The following MAPK10 variants were observed in gnomAD, a reference collection of about 807,000 sequenced individuals.
MAPK10 encodes JNK3 alpha protein kinase.
In MAPK10, 25 loss-of-function variants were observed where a neutral mutation model predicts 59.3. The observed-to-expected ratio is 0.42, with a 90% confidence interval of 0.31 to 0.59. MAPK10 has a LOEUF of 0.59. Among genes scored for constraint, MAPK10 ranks in the 20% least tolerant of loss-of-function variants. The pLI, the probability that MAPK10 is intolerant of heterozygous loss-of-function variation, is 0.15. For missense variants in MAPK10, 351 were observed against 568.9 expected, an observed-to-expected ratio of 0.62 and a Z score of 3.90; for synonymous variants, 190 against 200.5, an observed-to-expected ratio of 0.95 and a Z score of 0.44.
chr4:86,070,275 T>C (rs1029964492), intron 9 of MAPK10, among the ~76,000 whole-genome samples: 1 of 152,182 alleles, frequency 6.6e-6, no homozygotes, highest in African/African-American at 2.4e-5. Context: ...GGTAAGTACT[T>C]GTTTTCTAGA....
chr4:86,249,550 A>G (rs2093309302), intron 2 of MAPK10, among the ~76,000 whole-genome samples: 1 of 152,162 alleles, frequency 6.6e-6, no homozygotes, highest in East Asian at 1.9e-4. Context: ...ACTTTAAAAA[A>G]TCTTTCCAGC....
intron 2 of MAPK10, among the ~76,000 whole-genome samples, chr4:86,231,755 T>G (rs2091581405): frequency 1.3e-5 from 2 of 152,200 alleles, no homozygotes; most frequent in Non-Finnish European, 1.5e-5. Context: ...ATCTTGATCT[T>G]TAATGTTGCA....
At chr4:86,041,728 A>C (rs1449516158) in intron 11 of MAPK10, among the ~76,000 whole-genome samples, 1 of 152,244 alleles carries the variant, frequency 6.6e-6, no homozygotes, top group African/African-American at 2.4e-5. Context: ...AAAGCTCATC[A>C]TCACTGGTCA....
chr4:86,140,260 A>G (rs1183892333), intron 4 of MAPK10, among the ~76,000 whole-genome samples: 1 of 136,022 alleles, frequency 7.4e-6, no homozygotes, highest in African/African-American at 3.1e-5. Context: ...ACTATTCACA[A>G]TAGCAAAGAC....
chr4:86,472,814 C>A (rs1354649145), intron 1 of MAPK10, among the ~76,000 whole-genome samples: 1 of 152,186 alleles, frequency 6.6e-6, no homozygotes, highest in East Asian at 1.9e-4. Context: ...ATTCTCTCCA[C>A]AGGGTGTATA....
chr4:86,060,834 A>G (rs1418814520), intron 11 of MAPK10, among the ~76,000 whole-genome samples: 1 of 152,190 alleles, frequency 6.6e-6, no homozygotes, highest in Non-Finnish European at 1.5e-5. Flanking sequence ...CATGTGGGAA[A>G]TAGATCATTG....
At chr4:86,105,977 T>G (rs1420101386) in intron 5 of MAPK10, among the ~76,000 whole-genome samples, 1 of 152,186 alleles carries the variant, frequency 6.6e-6, no homozygotes, top group Non-Finnish European at 1.5e-5. Flanking sequence ...CACATTGACC[T>G]GTCTTATTGT....
intron 2 of MAPK10, among the ~76,000 whole-genome samples, chr4:86,227,685 A>C (rs1028328605): frequency 5.3e-5 from 8 of 152,134 alleles, no homozygotes; most frequent in African/African-American, 1.9e-4. Flanking sequence ...GGACCAAAAA[A>C]ATATGTAGCC....
In MAPK10 at chr4:86,101,878, G is replaced by C; in HGVS notation, c.564+16C>G. 6 of 1,613,316 alleles carry C rather than the reference G, an allele frequency of 3.7e-6. No individual in the cohort carries two copies. The highest frequency in any genetic ancestry group is 5.1e-6 in the Non-Finnish European group (6 of 1,179,470). On this transcript the variant is annotated intron_variant, in intron 7 of 13. Transcript: ENST00000641462. ...TTAAAGCATTTGAATTGTAATCCTA[G>C]AGAAGGTGTTCTTACCCTGTGAATA... is the stretch of plus-strand genomic sequence containing the variant.
At chr4:86,335,448 A>G (rs1720626475) in intron 2 of MAPK10, among the ~76,000 whole-genome samples, 1 of 152,220 alleles carries the variant, frequency 6.6e-6, no homozygotes, top group South Asian at 2.1e-4. Flanking sequence ...ATAACCAGAT[A>G]AGTTTGCTAA....
intron 1 of MAPK10, among the ~76,000 whole-genome samples, chr4:86,526,176 C>T (rs569410184): frequency 1.2e-4 from 18 of 152,166 alleles, no homozygotes; most frequent in South Asian, 6.2e-4. Context: ...TGGTAGATTT[C>T]GGCTGTAAAT....
intron 2 of MAPK10, among the ~76,000 whole-genome samples, chr4:86,350,997 C>T (rs1731037253): frequency 6.6e-6 from 1 of 152,098 alleles, no homozygotes; most frequent in Non-Finnish European, 1.5e-5. Context: ...GGCATCGTAT[C>T]TATTCTTAAC....
chr4:86,136,159 C>T (rs866271524), intron 4 of MAPK10, among the ~76,000 whole-genome samples: 20 of 152,214 alleles, frequency 1.3e-4, no homozygotes, highest in African/African-American at 4.6e-4. Context: ...GGCAGGCCAA[C>T]GTTCACATTC....
intron 1 of MAPK10, among the ~76,000 whole-genome samples, chr4:86,380,798 C>G (rs1460480594): frequency 6.7e-6 from 1 of 148,558 alleles, no homozygotes; most frequent in East Asian, 2.0e-4. Context: ...TTATGGGTGA[C>G]AGTTGTGGTT....
At chr4:86,503,714 G>T (rs528590818) in intron 1 of MAPK10, among the ~76,000 whole-genome samples, 1 of 152,040 alleles carries the variant, frequency 6.6e-6, no homozygotes, top group East Asian at 1.9e-4. Flanking sequence ...TTCAGATTAT[G>T]TCACTGTTCT....
intron 1 of MAPK10, among the ~76,000 whole-genome samples, chr4:86,442,620 T>C (rs1749538467): frequency 6.6e-6 from 1 of 152,246 alleles, no homozygotes; most frequent in Admixed American, 6.5e-5. Flanking sequence ...GTTAGATTTT[T>C]GTACTTACAC....
At chr4:86,039,249 AGCACGGAAACAAGAAAAGAT>A (rs2040985081) in intron 11 of MAPK10, among the ~76,000 whole-genome samples, 1 of 152,214 alleles carries the variant, frequency 6.6e-6, no homozygotes. Context: ...ACCTGGGTAT[AGCACGGAAACAAGAAAAGAT>A]GCACTGGAGA....
intron 2 of MAPK10, chr4:86,219,845 T>TAGG (rs1163203017): frequency 6.6e-6 from 1 of 152,152 alleles, no homozygotes; most frequent in African/African-American, 2.4e-5. Context: ...AAGTTATAGT[T>TAGG]ATGGGCTGGT....
At chr4:86,071,158 T>C (rs1288155943) in intron 9 of MAPK10, among the ~76,000 whole-genome samples, 4 of 152,156 alleles carry the variant, frequency 2.6e-5, no homozygotes, top group Non-Finnish European at 5.9e-5. Context: ...ATGAGCATTT[T>C]TTCATGTGTT....
Sources: gnomAD v4.1 joint callset for allele counts (sites outside exome capture counted in the v4.1 genomes callset) on GRCh38, gnomAD v4.1.1 for gene constraint, MANE v1.5 for transcripts, NCBI Gene and HGNC (gene_info 2026-07-23, HGNC 2026-07-21) for gene names.